CENPI: variants seen among roughly 807,000 people sequenced by gnomAD.
CENPI encodes centromere protein I.
CENPI carries 4 observed loss-of-function variants against 60.4 expected under a neutral mutation model. The observed-to-expected ratio is 0.07, with a 90% CI of 0.03 to 0.15. The LOEUF (loss-of-function observed/expected upper bound fraction) is 0.15. CENPI is among the 10% of genes least tolerant of loss of function. The probability of loss-of-function intolerance (pLI) is 1.00; values close to 1 mark genes in which losing one functional copy is unlikely to be tolerated. For missense variants in CENPI, 444 were observed against 534.5 expected, an observed-to-expected ratio of 0.83 and a Z score of 1.67; for synonymous variants, 157 against 189.4, an observed-to-expected ratio of 0.83 and a Z score of 1.40.
intron 12 of CENPI, 126 bp from the exon 13 acceptor site, chrX:101,129,856 T>C: frequency 2.2e-6 from 1 of 463,806 alleles, no homozygotes; most frequent in Non-Finnish European, 3.8e-6. Context: ...ACATCATGAG[T>C]TAGCTAGGAT....
Position 101,127,177 on chromosome X carries a change from C to G in CENPI, c.817C>G (p.Leu273Val). ...KNSENLWKTA[L>V]LAVKQRNRGP... The stretch of plus-strand genomic sequence containing the variant: ...TTCAGAGAATCTATGGAAGACGGCT[C>G]TGCTTGCCGTGAAGCAAAGAAACCG... Residue 273 changes from leucine to valine, a missense_variant, in exon 10 of 22, where the codon CTG (leucine) becomes GTG (valine). By Grantham distance (32) the Leu-to-Val change is conservative. Coordinates refer to ENST00000682095, the MANE Select transcript of CENPI (RefSeq NM_001386188.2). 8.4e-7 allele frequency: 1 copy of G among 1,190,833 alleles called. No individual in the cohort carries two copies. Among genetic ancestry groups the G allele is most frequent in the Non-Finnish European group, 1.1e-6 (1 of 884,254 alleles).
rs964375579 is a variant in CENPI at position 101,140,585 on chromosome X, C to A, written c.1471-81C>A. 5.8e-6 allele frequency: 4 copies of A among 684,311 alleles called. No homozygotes were observed. In the African/African-American group the frequency reaches 8.7e-5, roughly 15 times the overall value. 56.4% of individuals were successfully genotyped at this position (684,311 alleles called of 1,213,427 possible). ...ATGTGGTCATCTCCATGGTCCTTTTCATCTCTAAGCCTCTGTTAGTTCTGA... is the reference window on the plus strand; with the variant it reads ...ATGTGGTCATCTCCATGGTCCTTTTAATCTCTAAGCCTCTGTTAGTTCTGA... On this transcript the variant is annotated intron_variant, in intron 15 of 21. Coordinates refer to ENST00000682095, the MANE Select transcript of CENPI (RefSeq NM_001386188.2).
the CENPI span, among the ~76,000 whole-genome samples, chrX:101,181,191 A>C: frequency 9.0e-6 from 1 of 110,526 alleles, no homozygotes; most frequent in Non-Finnish European, 1.9e-5. Context: ...TCAGTACCAC[A>C]GTGTCTTTGT....
Position 101,165,651 on chromosome X carries a change from G to A in CENPI, c.*2684G>A, listed in dbSNP as rs1180957033. 1.8e-5 allele frequency among the ~76,000 whole-genome samples: 2 copies of A among 111,375 alleles called. No individual in the cohort carries two copies. The highest frequency in any genetic ancestry group is 3.8e-5 in the Non-Finnish European group (2 of 53,098). On this transcript the variant is annotated 3_prime_UTR_variant, in exon 22 of 22. Coordinates refer to ENST00000682095, the MANE Select transcript of CENPI (RefSeq NM_001386188.2). ...GAGATCACCTAGTACAGCTAGAGAA[G>A]AGAAGGTAGCAAAAGACAGAGACCT...
chrX:101,128,195 G>A lies in CENPI; in HGVS notation c.1075-521G>A, dbSNP rs1020414032. The stretch of plus-strand genomic sequence containing the variant: ...ACTAAAAATCTAAATTTAGCTGGGC[G>A]TGGTGGCACATGCCTGTAATCCCAG... On this transcript the variant is annotated intron_variant, in intron 11 of 21. Coordinates refer to ENST00000682095, the MANE Select transcript of CENPI (RefSeq NM_001386188.2). 6.3e-5 allele frequency among the ~76,000 whole-genome samples: 7 copies of A among 111,654 alleles called. No individual in the cohort carries two copies. In the Admixed American group the frequency reaches 6.7e-4, roughly 11 times the overall value.
At chrX:101,157,649 C>CA (rs11337861) in intron 20 of CENPI, among the ~76,000 whole-genome samples, 825 of 48,954 alleles carry the variant, frequency 0.017, 10 homozygotes, top group African/African-American at 0.024. Flanking sequence ...GACCTTGTCT[C>CA]AAAAAAAAAA....
At chrX:101,108,161 A>G (rs2089507078) in intron 4 of CENPI, among the ~76,000 whole-genome samples, 1 of 110,716 alleles carries the variant, frequency 9.0e-6, no homozygotes, top group African/African-American at 3.3e-5. Flanking sequence ...TGCAACCTCC[A>G]CCTTCCAGGC....
chrX:101,136,852 A>G (rs2089853374), intron 15 of CENPI, among the ~76,000 whole-genome samples: 2 of 112,210 alleles, frequency 1.8e-5, no homozygotes, highest in African/African-American at 6.5e-5. Context: ...AGTCGACATA[A>G]TGTTGTTAAT....
intron 12 of CENPI, among the ~76,000 whole-genome samples, chrX:101,129,486 C>T (rs2089772533): frequency 9.1e-6 from 1 of 110,006 alleles, no homozygotes; most frequent in African/African-American, 3.3e-5. Flanking sequence ...TAAGCAACTC[C>T]TGATTCTTCT....
At chrX:101,167,034 G>A (rs2090146264), downstream of CENPI, among the ~76,000 whole-genome samples, 1 of 112,764 alleles carries the variant, frequency 8.9e-6, no homozygotes, top group Admixed American at 9.4e-5. Context: ...GATTACAGGC[G>A]TAAGCCACAG....
chrX:101,146,179 C>A lies in CENPI; in HGVS notation c.1728C>A (p.Asn576Lys), dbSNP rs2089959711. 8.4e-7 allele frequency: 1 copy of A among 1,196,081 alleles called. No individual in the cohort carries two copies. Among genetic ancestry groups the A allele is most frequent in the South Asian group, 1.8e-5 (1 of 56,352 alleles). ...TGTGTGACATATATATAAATTATAA[C>A]CTTCCATTAGTGGTATTGTTTCCTC... ...EKVCDIYINY[N>K]LPLVVLFPPG... Residue 576 changes from asparagine to lysine, a missense_variant, in exon 18 of 22, where the codon AAC becomes AAA. Coordinates refer to ENST00000682095, the MANE Select transcript of CENPI (RefSeq NM_001386188.2).
Position 101,127,546 on chromosome X carries a change from A to G in CENPI, c.955A>G (p.Thr319Ala). 1.0e-5 allele frequency: 12 copies of G among 1,200,095 alleles called. No individual in the cohort carries two copies. Among genetic ancestry groups the G allele is most frequent in the Non-Finnish European group, 1.4e-5 (12 of 886,518 alleles). Residue 319 changes from threonine (T) to alanine (A), a missense_variant, in exon 11 of 22, where the codon ACT becomes GCT. By Grantham distance (58) the Thr-to-Ala change is moderately conservative. Transcript: ENST00000682095. Reference sequence around the variant, plus strand: ...ACCAGTGCTCAATTCCAGTAGCTACACTAAAGAATGTGGAAAAAAAGAGAT... The same window carrying G: ...ACCAGTGCTCAATTCCAGTAGCTACGCTAAAGAATGTGGAAAAAAAGAGAT... ...VIPVLNSSSYTKECGKKEMSL... is the reference protein window; with the variant it reads ...VIPVLNSSSYAKECGKKEMSL...
chrX:101,130,375 A>G (rs2089783641), intron 13 of CENPI, among the ~76,000 whole-genome samples: 1 of 111,836 alleles, frequency 8.9e-6, no homozygotes, highest in African/African-American at 3.3e-5. Context: ...TCAAGGCTGC[A>G]GTGAGCCGTA....
intron 15 of CENPI, among the ~76,000 whole-genome samples, chrX:101,139,220 G>A (rs370912832): frequency 1.0e-5 from 1 of 99,813 alleles, no homozygotes; most frequent in South Asian, 4.9e-4. Context: ...TCAGCCTCCC[G>A]AGTAGCTGGG....
chrX:101,115,298 TA>T (rs777363984), intron 6 of CENPI, among the ~76,000 whole-genome samples: 1 of 108,416 alleles, frequency 9.2e-6, no homozygotes, highest in Admixed American at 1.0e-4. Flanking sequence ...TTTTTTTTTT[TA>T]AATTTGAGAT....
At chrX:101,120,280 T>C (rs1210648733) in intron 6 of CENPI, 122 bp from the exon 7 acceptor site, 19 of 373,972 alleles carry the variant, frequency 5.1e-5, no homozygotes, top group Non-Finnish European at 7.1e-5. Context: ...AAAACTATTG[T>C]TCAGTGAAGT....
chrX:101,139,975 C>G (rs1259771502), intron 15 of CENPI, among the ~76,000 whole-genome samples: 1 of 110,316 alleles, frequency 9.1e-6, no homozygotes, highest in Non-Finnish European at 1.9e-5. Context: ...GTTGGGACTA[C>G]AGGCGCCCGC....
At chrX:101,120,498 T>G in intron 7 of CENPI, 48 bp downstream of exon 7, 1 of 673,764 alleles carries the variant, frequency 1.5e-6, no homozygotes, top group Non-Finnish European at 2.3e-6. Flanking sequence ...AATTAGCATT[T>G]GTATTGGCCT....
chrX:101,173,831 A>G, the CENPI span, among the ~76,000 whole-genome samples: 1 of 111,370 alleles, frequency 9.0e-6, no homozygotes, highest in African/African-American at 3.3e-5. Context: ...AAAAACCTGG[A>G]CCAGATAGAT....
Sources: gnomAD v4.1 joint callset for allele counts (sites outside exome capture counted in the v4.1 genomes callset) on GRCh38, gnomAD v4.1.1 for gene constraint, MANE v1.5 for transcripts, NCBI Gene and HGNC (gene_info 2026-07-23, HGNC 2026-07-21) for gene names.